STRBP: variants seen among roughly 807,000 people sequenced by gnomAD.
The protein encoded by STRBP is spermatid perinuclear RNA-binding protein.
Under a neutral mutation model 80.1 loss-of-function variants are expected in STRBP, and 13 were observed. That is an observed-to-expected ratio of 0.16 (90% CI 0.11 to 0.26). The LOEUF is 0.26. Ranked by LOEUF, STRBP falls within the 10% of genes least tolerant of loss-of-function variation. The pLI, the probability that STRBP is intolerant of heterozygous loss-of-function variation, is 1.00. For synonymous variants in STRBP, 284 were observed against 291.2 expected, an observed-to-expected ratio of 0.98 and a Z score of 0.25; for missense variants, 485 against 815.2, an observed-to-expected ratio of 0.59 and a Z score of 4.93.
chr9:123,139,424 C>T, intron 14 of STRBP, 105 bp downstream of exon 14: 2 of 899,372 alleles, frequency 2.2e-6, no homozygotes, highest in African/African-American at 1.8e-5. Context: ...AATTTATGTA[C>T]AGGTTTGCAT....
chr9:123,109,904 C>T (rs532248454), intron 3 of STRBP: 7 of 152,238 alleles, frequency 4.6e-5, no homozygotes, highest in Admixed American at 1.3e-4. Flanking sequence ...TTTACACTTG[C>T]GTATTCAGAA....
At chr9:123,223,995 A>C (rs1354591507) in intron 2 of STRBP, among the ~76,000 whole-genome samples, 3 of 152,238 alleles carry the variant, frequency 2.0e-5, no homozygotes, top group African/African-American at 4.8e-5. Flanking sequence ...TGCTATAGTT[A>C]GAAAAATTCC....
chr9:123,171,349 C>T (rs1024868616), intron 5 of STRBP, among the ~76,000 whole-genome samples: 5 of 152,130 alleles, frequency 3.3e-5, no homozygotes, highest in African/African-American at 1.2e-4. Flanking sequence ...AAAACCTCAG[C>T]TAACTAACGT....
intron 6 of STRBP, among the ~76,000 whole-genome samples, chr9:123,163,659 G>A (rs1412365579): frequency 6.6e-6 from 1 of 152,116 alleles, no homozygotes; most frequent in Non-Finnish European, 1.5e-5. Flanking sequence ...TGGTAGTACA[G>A]TGCTATTTAT....
chr9:123,221,048 T>A (rs1290933924), intron 2 of STRBP, among the ~76,000 whole-genome samples: 2 of 152,010 alleles, frequency 1.3e-5, no homozygotes, highest in African/African-American at 4.8e-5. Context: ...AAAGAATAAT[T>A]AGAGAAAGAA....
In STRBP at chr9:123,153,222, G is replaced by T. The variant is rs1416602566; in HGVS notation, c.1045+4790C>A. On this transcript the variant is annotated intron_variant, in intron 11 of 18. Transcript: ENST00000348403. ...TTTTTTTTTTCTGAGACAGAGTCTC[G>T]CTCTGTCACCAAGGCTGGAGTGCAG... is the stretch of plus-strand genomic sequence containing the variant. Among the ~76,000 whole-genome samples, 3 of 148,504 alleles carry T rather than the reference G, an allele frequency of 2.0e-5. No individual in the cohort carries two copies. The East Asian group carries it at 5.9e-4, about 29-fold the overall frequency.
intron 2 of STRBP, among the ~76,000 whole-genome samples, chr9:123,222,409 T>C (rs1454652159): frequency 6.6e-6 from 1 of 152,104 alleles, no homozygotes; most frequent in East Asian, 1.9e-4. Context: ...TGGCAAATGG[T>C]ATTAAAAAAA....
intron 13 of STRBP, among the ~76,000 whole-genome samples, chr9:123,146,477 A>C (rs2036819182): frequency 6.6e-6 from 1 of 151,418 alleles, no homozygotes; most frequent in South Asian, 2.1e-4. Flanking sequence ...AACACTAATG[A>C]AACATTACAT....
chr9:123,149,344 G>A (rs979093495), intron 11 of STRBP, among the ~76,000 whole-genome samples: 1 of 152,188 alleles, frequency 6.6e-6, no homozygotes, highest in Non-Finnish European at 1.5e-5. Flanking sequence ...CTATGAGTAT[G>A]CCAGTCTCCC....
intron 2 of STRBP, among the ~76,000 whole-genome samples, chr9:123,220,305 T>C (rs971606281): frequency 6.6e-6 from 1 of 152,240 alleles, no homozygotes; most frequent in Non-Finnish European, 1.5e-5. Flanking sequence ...CAAACCTAGA[T>C]GTTATGGCCT....
At chr9:123,214,070 G>A (rs2039807331) in intron 2 of STRBP, among the ~76,000 whole-genome samples, 1 of 150,952 alleles carries the variant, frequency 6.6e-6, no homozygotes, top group African/African-American at 2.4e-5. Flanking sequence ...TCACAAAATT[G>A]CAAAAATGTG....
At chr9:123,268,361 C>G (rs573219913) in intron 1 of STRBP, 75 bp downstream of exon 1, 1 of 151,460 alleles carries the variant, frequency 6.6e-6, no homozygotes, top group East Asian at 1.9e-4. Context: ...CGCCAACCGC[C>G]TCAACCGCCG....
intron 1 of STRBP, among the ~76,000 whole-genome samples, chr9:123,243,648 T>A (rs186031134): frequency 8.8e-5 from 8 of 91,076 alleles, no homozygotes; most frequent in Admixed American, 5.1e-4. Context: ...AAAACAAGAA[T>A]CCAATTAGAA....
intron 13 of STRBP, 31 bp downstream of exon 13, chr9:123,146,824 A>C: frequency 6.5e-7 from 1 of 1,541,304 alleles, no homozygotes; most frequent in Non-Finnish European, 8.8e-7. Flanking sequence ...ATAAAATAAG[A>C]AAGCATTGCA....
intron 13 of STRBP, among the ~76,000 whole-genome samples, chr9:123,139,947 C>A (rs934248655): frequency 2.0e-5 from 3 of 152,086 alleles, no homozygotes; most frequent in African/African-American, 4.8e-5. Flanking sequence ...TGATGCTATT[C>A]CTAGTTCATT....
At chr9:123,159,369 C>G (rs896976055) in intron 8 of STRBP, among the ~76,000 whole-genome samples, 162 bp from the exon 9 acceptor site, 15 of 152,092 alleles carry the variant, frequency 9.9e-5, no homozygotes, top group African/African-American at 3.6e-4. Flanking sequence ...CAACCTTTAC[C>G]CTGGGAAGAG....
chr9:123,178,840 C>G (rs545365989), intron 4 of STRBP, among the ~76,000 whole-genome samples, 167 bp downstream of exon 4: 2 of 152,264 alleles, frequency 1.3e-5, no homozygotes, highest in East Asian at 3.9e-4. Context: ...GCTTTCCTTT[C>G]AAATTTAACT....
rs766489382 is a variant in STRBP at position 123,128,263 on chromosome 9, T to G, written c.1898-5A>C. ...AACCATATGGTGTTCCATAGCCTAG[T>G]GCAAAGAAGAAGAAGGCAGATCAGT... On this transcript the variant is annotated splice_region_variant and splice_polypyrimidine_tract_variant and intron_variant, in intron 17 of 18. Coordinates refer to ENST00000348403, the MANE Select transcript of STRBP (RefSeq NM_018387.5). The G allele has an allele frequency of 6.2e-7, 1 of 1,614,160 alleles. No homozygotes were observed. The highest frequency in any genetic ancestry group is 8.5e-7 in the Non-Finnish European group (1 of 1,180,020).
At chr9:123,228,226 C>T (rs928911636) in intron 2 of STRBP, among the ~76,000 whole-genome samples, 1 of 152,048 alleles carries the variant, frequency 6.6e-6, no homozygotes, top group African/African-American at 2.4e-5. Flanking sequence ...TAGACATGTT[C>T]CATTTAAAAT....
Sources: allele counts gnomAD v4.1 joint callset (sites outside exome capture counted in the v4.1 genomes callset), GRCh38; gene constraint gnomAD v4.1.1; transcripts MANE v1.5; gene names NCBI Gene and HGNC (gene_info 2026-07-23, HGNC 2026-07-21).